Variants in SIPA1L1 observed in about 807,000 individuals in gnomAD.
SIPA1L1 encodes signal-induced proliferation-associated 1-like protein 1.
A neutral mutation model predicts 162.7 loss-of-function variants in SIPA1L1; 26 were observed. The ratio of observed to expected loss-of-function variants is 0.16; its 90% CI spans 0.12 to 0.22. The LOEUF (loss-of-function observed/expected upper bound fraction) is 0.22, where lower values mean the gene tolerates loss of function less well. Ranked by LOEUF, SIPA1L1 falls within the 10% of genes least tolerant of loss-of-function variation. The probability of loss-of-function intolerance (pLI) is 1.00; values close to 1 mark genes in which losing one functional copy is unlikely to be tolerated. For missense variants in SIPA1L1, 1,874 were observed against 2,241.0 expected (o/e 0.84, Z 3.31); for synonymous variants, 829 against 837.4 (o/e 0.99, Z 0.17).
intron 22 of SIPA1L1, 77 bp from the exon 23 acceptor site, chr14:71,738,164 A>T: frequency 7.8e-6 from 2 of 256,646 alleles, no homozygotes; most frequent in Non-Finnish European, 1.3e-5. Flanking sequence ...CTCAGAGTAA[A>T]AAAAAAAAAA....
At chr14:71,423,294 A>G (rs1317569742) in intron 2 of SIPA1L1, among the ~76,000 whole-genome samples, 1 of 152,098 alleles carries the variant, frequency 6.6e-6, no homozygotes, top group East Asian at 1.9e-4. Context: ...GTCTGTTGAT[A>G]GTGTCTTTTG....
intron 6 of SIPA1L1, among the ~76,000 whole-genome samples, chr14:71,620,835 G>T (rs78447835): frequency 0.014 from 2,168 of 152,232 alleles, 66 homozygotes; most frequent in African/African-American, 0.049. Context: ...GTAGTCATAA[G>T]ATTCTCTTCT....
In SIPA1L1 at chr14:71,563,392, G is replaced by A. The variant is rs191265123; in HGVS notation, c.-302-24179G>A. On this transcript the variant is annotated intron_variant, in intron 4 of 23. Coordinates refer to ENST00000381232, the MANE Select transcript of SIPA1L1 (RefSeq NM_001386936.1). ...TTTTGGTTTGTACATCTTGGATTTC[G>A]TATTTTCTTTCTTAATACAAACTGA... 1.2e-3 allele frequency among the ~76,000 whole-genome samples: 185 copies of A among 150,194 alleles called. 2 individuals are homozygous for A. The highest frequency in any genetic ancestry group is 5.2e-4 in the Non-Finnish European group (35 of 67,638).
At chr14:71,422,638 G>A (rs1169615242) in intron 2 of SIPA1L1, among the ~76,000 whole-genome samples, 2 of 152,188 alleles carry the variant, frequency 1.3e-5, no homozygotes, top group African/African-American at 4.8e-5. Flanking sequence ...ATTCATCTGT[G>A]TTGTAGCATG....
intron 2 of SIPA1L1, among the ~76,000 whole-genome samples, chr14:71,475,553 A>G (rs906918721): frequency 6.6e-6 from 1 of 152,222 alleles, no homozygotes; most frequent in African/African-American, 2.4e-5. Context: ...AGTAGAGGAA[A>G]GGGAATTCTT....
chr14:71,738,204 G>GC (rs755299723), intron 22 of SIPA1L1, 37 bp from the exon 23 acceptor site: 4 of 1,076,304 alleles, frequency 3.7e-6, no homozygotes, highest in East Asian at 2.5e-5. Context: ...AGCCATGGAG[G>GC]CCCCTGCCAA....
intron 2 of SIPA1L1, among the ~76,000 whole-genome samples, chr14:71,477,347 T>C (rs546024053): frequency 6.6e-6 from 1 of 152,170 alleles, no homozygotes; most frequent in East Asian, 1.9e-4. Context: ...TCTCCATAGT[T>C]TTCTCTCTGT....
intron 4 of SIPA1L1, among the ~76,000 whole-genome samples, chr14:71,536,878 A>G (rs569634652): frequency 2.0e-5 from 3 of 152,250 alleles, no homozygotes; most frequent in South Asian, 2.1e-4. Flanking sequence ...TAAATACCTG[A>G]AGGAAGCGAT....
intron 16 of SIPA1L1, among the ~76,000 whole-genome samples, chr14:71,707,188 C>G (rs1420848849): frequency 6.6e-6 from 1 of 152,004 alleles, no homozygotes; most frequent in African/African-American, 2.4e-5. Flanking sequence ...TAATCTCCAG[C>G]AATCATCTAG....
intron 2 of SIPA1L1, among the ~76,000 whole-genome samples, chr14:71,340,126 T>C (rs981214288): frequency 6.6e-6 from 1 of 152,240 alleles, no homozygotes; most frequent in Admixed American, 6.5e-5. Context: ...GCTGTACTGA[T>C]AATAAAAGAT....
chr14:71,446,906 G>GTTTTTTTTTTTTTTTTTTT lies in SIPA1L1; in HGVS notation c.-464-65832_-464-65814dup, dbSNP rs1189940440. Among the ~76,000 whole-genome samples, 32 of 53,240 alleles carry GTTTTTTTTTTTTTTTTTTT rather than the reference G, an allele frequency of 6.0e-4. 1 individual carries two copies. The highest frequency in any genetic ancestry group is 1.5e-3 in the Admixed American group (5 of 3,308). The allele number at this position is 53,240 out of a possible 152,430, so 34.9% of individuals were successfully genotyped here. ...AGAGATGGGCTCTGTTTTTTTTTTT[G>GTTTTTTTTTTTTTTTTTTT]TTTTTTTTTTTTTTTTTTTTTTTGA... On this transcript the variant is annotated intron_variant, in intron 2 of 23. Coordinates refer to ENST00000381232, the MANE Select transcript of SIPA1L1 (RefSeq NM_001386936.1).
chr14:71,465,501 A>C (rs1358801727), intron 2 of SIPA1L1, among the ~76,000 whole-genome samples: 2 of 152,230 alleles, frequency 1.3e-5, no homozygotes, highest in South Asian at 2.1e-4. Context: ...CTTGCTGCTC[A>C]CAGTGGTGAA....
At chr14:71,357,987 C>A (rs1181076205) in intron 2 of SIPA1L1, among the ~76,000 whole-genome samples, 1 of 152,154 alleles carries the variant, frequency 6.6e-6, no homozygotes, top group Admixed American at 6.5e-5. Context: ...CCACCTTGGC[C>A]TCCCAAAGTA....
chr14:71,446,914 T>TTTG (rs2045428183), intron 2 of SIPA1L1, among the ~76,000 whole-genome samples: 1 of 125,736 alleles, frequency 8.0e-6, no homozygotes, highest in Non-Finnish European at 1.6e-5. Flanking sequence ...TTGTTTTTTT[T>TTTG]TTTTTTTTTT....
chr14:71,624,682 C>T (rs1177512809), intron 7 of SIPA1L1, among the ~76,000 whole-genome samples: 1 of 151,986 alleles, frequency 6.6e-6, no homozygotes, highest in Non-Finnish European at 1.5e-5. Flanking sequence ...TATTATTATT[C>T]ACATTTTAGA....
Position 71,672,345 on chromosome 14 carries a change from T to C in SIPA1L1, c.2830-3T>C, listed in dbSNP as rs750493464. 6.2e-7 allele frequency: 1 copy of C among 1,613,922 alleles called. No homozygotes were observed. The highest frequency in any genetic ancestry group is 8.5e-7 in the Non-Finnish European group (1 of 1,179,752). On this transcript the variant is annotated splice_region_variant and splice_polypyrimidine_tract_variant and intron_variant, in intron 11 of 23. Transcript: ENST00000381232. ...CCACAGTATCTTTTATTTCCTTGTC[T>C]AGTTTGTTTCAAAAGGCTGTGAATC...
At chr14:71,697,824 T>C in intron 13 of SIPA1L1, among the ~76,000 whole-genome samples, 1 of 152,218 alleles carries the variant, frequency 6.6e-6, no homozygotes, top group Non-Finnish European at 1.5e-5. Context: ...CCTCTGCCAG[T>C]GAAGCAGCTT....
At chr14:71,619,365 G>T (rs925719839) in intron 6 of SIPA1L1, among the ~76,000 whole-genome samples, 1 of 152,036 alleles carries the variant, frequency 6.6e-6, no homozygotes, top group African/African-American at 2.4e-5. Context: ...CTATCTTTGG[G>T]ACCCATTGTC....
chr14:71,556,060 A>T (rs1261237422), intron 4 of SIPA1L1, among the ~76,000 whole-genome samples: 2 of 152,216 alleles, frequency 1.3e-5, no homozygotes, highest in African/African-American at 2.4e-5. Context: ...GAAAAATAGC[A>T]CTGACAGACT....
Sources: gnomAD v4.1 joint callset for allele counts (sites outside exome capture counted in the v4.1 genomes callset) on GRCh38, gnomAD v4.1.1 for gene constraint, MANE v1.5 for transcripts, NCBI Gene and HGNC (gene_info 2026-07-23, HGNC 2026-07-21) for gene names.